The following STK3 variants were observed in gnomAD, a reference collection of about 807,000 sequenced individuals.
STK3 encodes serine/threonine-protein kinase 3.
Under a neutral mutation model 58.0 loss-of-function variants are expected in STK3, and 41 were observed. The ratio of observed to expected loss-of-function variants is 0.71; its 90% CI spans 0.55 to 0.92. The LOEUF is 0.92. Ranked by LOEUF, STK3 falls within the 40% of genes least tolerant of loss-of-function variation. The pLI, the probability that STK3 is intolerant of heterozygous loss-of-function variation, is 0.00. For missense variants in STK3, 479 were observed against 602.7 expected (o/e 0.79, Z 2.15); for synonymous variants, 170 against 191.0 (o/e 0.89, Z 0.91).
intron 7 of STK3, among the ~76,000 whole-genome samples, chr8:98,587,211 T>C (rs1329861837): frequency 6.6e-6 from 1 of 152,152 alleles, no homozygotes; most frequent in Non-Finnish European, 1.5e-5. Context: ...TTTGGATCTT[T>C]CCTGCTTTCT....
chr8:98,635,863 C>T (rs1819579202), intron 6 of STK3, among the ~76,000 whole-genome samples: 2 of 151,930 alleles, frequency 1.3e-5, no homozygotes, highest in Admixed American at 1.3e-4. Context: ...GATTGCTGAA[C>T]CCCTACTTCA....
chr8:98,738,300 CT>C (rs1247352076), intron 4 of STK3, among the ~76,000 whole-genome samples: 2 of 151,926 alleles, frequency 1.3e-5, no homozygotes, highest in African/African-American at 4.8e-5. Flanking sequence ...TGGCGAAACC[CT>C]ATCTCTACTA....
At chr8:98,419,224 G>T (rs746192648) in intron 3 of STK3, among the ~76,000 whole-genome samples, 1 of 152,192 alleles carries the variant, frequency 6.6e-6, no homozygotes, top group African/African-American at 2.4e-5. Context: ...AGCTGGGCGT[G>T]GTGGTGGGCA....
At chr8:98,586,884 T>C (rs1352239904) in intron 7 of STK3, among the ~76,000 whole-genome samples, 2 of 151,944 alleles carry the variant, frequency 1.3e-5, no homozygotes, top group African/African-American at 2.4e-5. Flanking sequence ...TTTATTTGCG[T>C]AGAGGTGTTT....
chr8:98,429,496 G>T, intron 3 of STK3: 1 of 979,844 alleles, frequency 1.0e-6, no homozygotes, highest in Non-Finnish European at 1.6e-6. Flanking sequence ...TTATGGTTAT[G>T]GTGTAAGGAG....
At chr8:98,770,116 C>T (rs1026153901) in intron 2 of STK3, among the ~76,000 whole-genome samples, 1 of 152,114 alleles carries the variant, frequency 6.6e-6, no homozygotes, top group African/African-American at 2.4e-5. Context: ...CCTATCAAGC[C>T]TCCCTTGATA....
In STK3 at chr8:98,800,930, C is replaced by T. The variant is rs190879862; in HGVS notation, c.26+24585G>A. Among the ~76,000 whole-genome samples, 448 of 152,338 alleles carry T rather than the reference C, an allele frequency of 2.9e-3. No individual in the cohort carries two copies. Among genetic ancestry groups the T allele is most frequent in the African/African-American group, 9.4e-3 (392 of 41,562 alleles). On this transcript the variant is annotated intron_variant, in intron 1 of 10. Transcript: ENST00000419617. This position sits in a 1 kb window ranked among gnomAD's most constrained non-coding sequence, Gnocchi z 4.8. Reference sequence around the variant, plus strand: ...CCAACAGGCGCTGGCCCCTGCTCCACGGCGTCCGGTCCCATAAACCGCCCA... The same window carrying T: ...CCAACAGGCGCTGGCCCCTGCTCCATGGCGTCCGGTCCCATAAACCGCCCA...
At chr8:98,569,391 AG>A (rs1425892785) in intron 8 of STK3, among the ~76,000 whole-genome samples, 1 of 152,184 alleles carries the variant, frequency 6.6e-6, no homozygotes, top group African/African-American at 2.4e-5. Flanking sequence ...TGATGTTGAA[AG>A]GAAGTCTTAG....
rs74564736 is a variant in STK3, at chr8:98,717,763, T to C, written c.352-10452A>G. ...ACGTACACCCATGTTCATAGTAGCA[T>C]TATTCACAATGGCTAAAAAGTGGAA... On this transcript the variant is annotated intron_variant, in intron 4 of 10. Coordinates refer to ENST00000419617, the MANE Select transcript of STK3 (RefSeq NM_006281.4). Among the ~76,000 whole-genome samples the C allele has an allele frequency of 7.4e-3, 1,130 of 152,328 alleles. 17 individuals carry two copies. Among genetic ancestry groups the C allele is most frequent in the African/African-American group, 0.026 (1,087 of 41,584 alleles).
chr8:98,471,604 T>C (rs138416190), intron 10 of STK3, among the ~76,000 whole-genome samples: 23 of 152,168 alleles, frequency 1.5e-4, no homozygotes, highest in Non-Finnish European at 2.8e-4. Context: ...GTACTGAACG[T>C]GAAAAAGAGT....
chr8:98,667,900 C>T (rs1587234216), intron 6 of STK3, among the ~76,000 whole-genome samples: 1 of 151,818 alleles, frequency 6.6e-6, no homozygotes, highest in Non-Finnish European at 1.5e-5. Context: ...TGGTTTCTAC[C>T]ATTAAATAGC....
chr8:98,721,410 G>C (rs1294944463), intron 4 of STK3, among the ~76,000 whole-genome samples: 2 of 152,002 alleles, frequency 1.3e-5, no homozygotes, highest in Non-Finnish European at 2.9e-5. Context: ...CAGGCCTATA[G>C]TCTCAGCTAC....
At chr8:98,592,145 T>C (rs1352152794) in intron 7 of STK3, among the ~76,000 whole-genome samples, 1 of 152,222 alleles carries the variant, frequency 6.6e-6, no homozygotes, top group Non-Finnish European at 1.5e-5. Flanking sequence ...CTTGTTTACA[T>C]ATGTAAGTAA....
chr8:98,449,571 A>T (rs912295723), intron 1 of STK3, among the ~76,000 whole-genome samples: 1 of 152,174 alleles, frequency 6.6e-6, no homozygotes, highest in African/African-American at 2.4e-5. Context: ...ATATTTCCTG[A>T]TGGGTCATCA....
At chr8:98,930,191 A>T (rs1481167617) in intron 1 of STK3, among the ~76,000 whole-genome samples, 1 of 152,096 alleles carries the variant, frequency 6.6e-6, no homozygotes, top group East Asian at 1.9e-4. Context: ...CAACTCCCTC[A>T]CTACCCTGGG....
intron 3 of STK3, among the ~76,000 whole-genome samples, chr8:98,871,761 C>G (rs555936357): frequency 6.6e-6 from 1 of 152,306 alleles, no homozygotes; most frequent in East Asian, 1.9e-4. Flanking sequence ...ATGGAGTTTT[C>G]TAAATATACA....
upstream of STK3, among the ~76,000 whole-genome samples, chr8:98,390,988 C>T: frequency 6.6e-6 from 1 of 152,166 alleles, no homozygotes; most frequent in Non-Finnish European, 1.5e-5. Context: ...TATAGCTGCT[C>T]TGAACTCTTT....
chr8:98,679,987 GTTA>G (rs1214194339), intron 6 of STK3, among the ~76,000 whole-genome samples: 2 of 152,158 alleles, frequency 1.3e-5, no homozygotes, highest in Non-Finnish European at 1.5e-5. Flanking sequence ...TCATATTGCT[GTTA>G]TTGTTGGTAC....
At chr8:98,405,442 T>C (rs1245301853) in intron 3 of STK3, among the ~76,000 whole-genome samples, 2 of 152,216 alleles carry the variant, frequency 1.3e-5, no homozygotes, top group Non-Finnish European at 2.9e-5. Context: ...ATTGTTATTA[T>C]TATTATCTTA....
Sources: allele counts gnomAD v4.1 joint callset (sites outside exome capture counted in the v4.1 genomes callset), GRCh38; gene constraint gnomAD v4.1.1; non-coding constraint Gnocchi (gnomAD v3.1); transcripts MANE v1.5; gene names NCBI Gene and HGNC (gene_info 2026-07-23, HGNC 2026-07-21).